Variants in SPIDR observed in about 807,000 individuals in gnomAD.
SPIDR encodes the protein scaffold protein involved in DNA repair.
Under a neutral mutation model 104.6 loss-of-function variants are expected in SPIDR, and 93 were observed. The ratio of observed to expected loss-of-function variants is 0.89; its 90% CI spans 0.75 to 1.06. The LOEUF is 1.06. Ranked by LOEUF, SPIDR falls within the 50% of genes least tolerant of loss-of-function variation. SPIDR has a pLI of 0.00. For synonymous variants in SPIDR, 431 were observed against 416.9 expected, an observed-to-expected ratio of 1.03 and a Z score of -0.41; for missense variants, 1,154 against 1,111.2, an observed-to-expected ratio of 1.04 and a Z score of -0.55.
In SPIDR at chr8:47,727,203, C is replaced by G; in HGVS notation, c.2345C>G (p.Thr782Ser). 1 of 1,614,106 alleles carries G rather than the reference C, an allele frequency of 6.2e-7. No individual in the cohort carries two copies. Among genetic ancestry groups the G allele is most frequent in the Non-Finnish European group, 8.5e-7 (1 of 1,179,998 alleles). Residue 782 changes from threonine (T) to serine (S), a missense_variant, in exon 17 of 20, where the codon ACT (threonine) becomes AGT (serine). Coordinates refer to ENST00000297423, the MANE Select transcript of SPIDR (RefSeq NM_001080394.4). ...GCTTTCCTTCTCTTGGGCCTAGGCA[C>G]TGTGGTTGGCGTGGACGAGAGCACT... The part of the protein sequence containing the change: ...PVNSICSVQG[T>S]VVGVDESTAF...
intron 8 of SPIDR, among the ~76,000 whole-genome samples, chr8:47,591,460 A>G (rs1339131061): frequency 2.0e-5 from 3 of 148,252 alleles, no homozygotes; most frequent in East Asian, 2.0e-4. Flanking sequence ...TTATTTATTT[A>G]TCTTTTAGAA....
In SPIDR at chr8:47,463,434, C is replaced by G. The variant is rs536612571; in HGVS notation, c.1097+22892C>G. ...TATCAGATGGATTCATGAGTAAATT[C>G]TACCAAACATTTAAAGAAGAATTAA... On this transcript the variant is annotated intron_variant, in intron 8 of 19. Transcript: ENST00000297423. 3.3e-5 allele frequency among the ~76,000 whole-genome samples: 5 copies of G among 151,896 alleles called. No individual in the cohort carries two copies. In the East Asian group the frequency reaches 9.7e-4, roughly 29 times the overall value.
intron 8 of SPIDR, among the ~76,000 whole-genome samples, chr8:47,534,194 T>C (rs949522353): frequency 1.2e-4 from 19 of 152,236 alleles, no homozygotes; most frequent in African/African-American, 4.3e-4. Context: ...CATGCAGAAC[T>C]GTGAGTCGAT....
chr8:47,572,133 T>C (rs891948400), intron 8 of SPIDR, among the ~76,000 whole-genome samples: 43 of 152,220 alleles, frequency 2.8e-4, no homozygotes, highest in African/African-American at 1.0e-3. Flanking sequence ...ATATAAAATA[T>C]TTAGGTAGTA....
At chr8:47,592,259 G>T in intron 8 of SPIDR, 1 of 1,256,358 alleles carries the variant, frequency 8.0e-7, no homozygotes, top group Non-Finnish European at 1.2e-6. Flanking sequence ...GTCTGGATTG[G>T]GAGCACATAA....
At chr8:47,499,343 G>A (rs958528759) in intron 8 of SPIDR, among the ~76,000 whole-genome samples, 10 of 152,158 alleles carry the variant, frequency 6.6e-5, no homozygotes, top group African/African-American at 2.4e-4. Context: ...TTGCACCAGT[G>A]TTGGCTCAGA....
chr8:47,658,592 TCAG>T lies in SPIDR; in HGVS notation c.1545-15203_1545-15201del, dbSNP rs2073404627. Among the ~76,000 whole-genome samples, 3 of 149,650 alleles carry T rather than the reference TCAG, an allele frequency of 2.0e-5. No individual in the cohort carries two copies. The South Asian group carries it at 6.4e-4, about 32-fold the overall frequency. On this transcript the variant is annotated intron_variant, in intron 10 of 19. Transcript: ENST00000297423. Reference sequence around the variant, plus strand: ...GTTGTTGTTGTTGTTGTTGTTAATCTCAGCAGCACAATGTTTTTCTACAATAAA... The same window carrying T: ...GTTGTTGTTGTTGTTGTTGTTAATCTCAGCACAATGTTTTTCTACAATAAA...
intron 19 of SPIDR, among the ~76,000 whole-genome samples, chr8:47,730,827 A>C (rs1171935205): frequency 2.0e-5 from 3 of 152,228 alleles, no homozygotes; most frequent in Non-Finnish European, 4.4e-5. Flanking sequence ...CCCGCAAGGC[A>C]GAGCAGCAGT....
chr8:47,693,870 T>C (rs897446938), intron 11 of SPIDR, among the ~76,000 whole-genome samples: 1 of 152,242 alleles, frequency 6.6e-6, no homozygotes, highest in African/African-American at 2.4e-5. Flanking sequence ...TCTTTGGCAC[T>C]GATGTGACAT....
At chr8:47,674,901 C>A (rs1011458898) in intron 11 of SPIDR, among the ~76,000 whole-genome samples, 5 of 152,178 alleles carry the variant, frequency 3.3e-5, no homozygotes, top group African/African-American at 1.2e-4. Context: ...GACAGCTCTG[C>A]CCAAGAGCTT....
chr8:47,484,435 C>T (rs2077267286), intron 8 of SPIDR, among the ~76,000 whole-genome samples: 1 of 152,204 alleles, frequency 6.6e-6, no homozygotes, highest in South Asian at 2.1e-4. Flanking sequence ...TCCTGAGGTC[C>T]TGGTGAACCT....
chr8:47,664,894 CAA>C (rs72582293), intron 10 of SPIDR, among the ~76,000 whole-genome samples: 15 of 112,242 alleles, frequency 1.3e-4, no homozygotes, highest in East Asian at 2.5e-4. Flanking sequence ...GACCCTGTCT[CAA>C]AAAAAAAAAA....
chr8:47,482,830 TTTTTGTTTTG>T (rs550996639), intron 8 of SPIDR, among the ~76,000 whole-genome samples: 1 of 152,140 alleles, frequency 6.6e-6, no homozygotes, highest in African/African-American at 2.4e-5. Context: ...GTTTTGTTTT[TTTTTGTTTTG>T]TTTTGTTTTG....
intron 1 of SPIDR, among the ~76,000 whole-genome samples, chr8:47,271,263 A>T (rs908385460): frequency 6.6e-6 from 1 of 152,120 alleles, no homozygotes; most frequent in Non-Finnish European, 1.5e-5. Context: ...CATTAAATTG[A>T]GGAAGCATTT....
intron 10 of SPIDR, chr8:47,654,093 G>A (rs948914621): frequency 1.6e-6 from 2 of 1,289,848 alleles, no homozygotes; most frequent in Admixed American, 4.6e-5. Flanking sequence ...GCCCCACCAT[G>A]TGTGTACCAA....
intron 5 of SPIDR, among the ~76,000 whole-genome samples, chr8:47,305,615 A>G (rs2042965674): frequency 6.6e-6 from 1 of 152,200 alleles, no homozygotes; most frequent in Admixed American, 6.5e-5. Context: ...ACCTTTAAAA[A>G]CATTTCTAAA....
chr8:47,625,741 T>C (rs1299092505), intron 10 of SPIDR, among the ~76,000 whole-genome samples: 3 of 151,646 alleles, frequency 2.0e-5, no homozygotes, highest in Admixed American at 6.6e-5. Context: ...TAAAAGAGGA[T>C]ACAAACAAAT....
At chr8:47,490,265 C>A (rs2078457105) in intron 8 of SPIDR, among the ~76,000 whole-genome samples, 1 of 152,116 alleles carries the variant, frequency 6.6e-6, no homozygotes, top group Non-Finnish European at 1.5e-5. Context: ...CATCACTGGC[C>A]ATCAGAGAAA....
rs183927632 is a variant in SPIDR, at chr8:47,730,471, C to T, written c.2604+1006C>T. Among the ~76,000 whole-genome samples, 10 of 152,340 alleles carry T rather than the reference C, an allele frequency of 6.6e-5. No homozygotes were observed. The East Asian group carries it at 1.5e-3, about 24-fold the overall frequency. ...GTGGGCTCCACAACCAGGGAGCTGA[C>T]TTGGGCCACGCTGGAAGGGAGTGTG... is the stretch of plus-strand genomic sequence containing the variant. On this transcript the variant is annotated intron_variant, in intron 19 of 19. Transcript: ENST00000297423.
Sources: allele counts gnomAD v4.1 joint callset (sites outside exome capture counted in the v4.1 genomes callset), GRCh38; gene constraint gnomAD v4.1.1; transcripts MANE v1.5; gene names NCBI Gene and HGNC (gene_info 2026-07-23, HGNC 2026-07-21).